Variants in SLC38A8 observed in about 807,000 individuals in gnomAD.
SLC38A8 encodes the protein solute carrier family 38 member 8.
A neutral mutation model predicts 46.0 loss-of-function variants in SLC38A8; 65 were observed. That is an observed-to-expected ratio of 1.41 (90% CI 1.16 to 1.74). SLC38A8 has a LOEUF of 1.74. Ranked by LOEUF, SLC38A8 falls within the 40% of genes most tolerant of loss-of-function variation. The pLI is 0.00. For missense variants in SLC38A8, 998 were observed against 567.9 expected, an observed-to-expected ratio of 1.76 and a Z score of -7.70; for synonymous variants, 447 against 243.7, an observed-to-expected ratio of 1.83 and a Z score of -7.77.
At chr16:84,010,067 ATTTT>A (rs397855804) in intron 10 of SLC38A8, among the ~76,000 whole-genome samples, 190 bp from the exon 11 acceptor site, 1 of 111,934 alleles carries the variant, frequency 8.9e-6, no homozygotes, top group Admixed American at 9.9e-5. Flanking sequence ...TACCCAGGCA[ATTTT>A]TTTTTTTTTT....
chr16:84,016,453 G>T, intron 9 of SLC38A8, 66 bp downstream of exon 9: 1 of 1,552,724 alleles, frequency 6.4e-7, no homozygotes, highest in East Asian at 2.3e-5. Context: ...TCCAACACTG[G>T]GAGTCCCCAC....
At chr16:84,030,319 T>C (rs1329908557) in intron 5 of SLC38A8, among the ~76,000 whole-genome samples, 1 of 152,096 alleles carries the variant, frequency 6.6e-6, no homozygotes, top group Non-Finnish European at 1.5e-5. Context: ...GACACTCACA[T>C]ATCCTAACTC....
intron 5 of SLC38A8, among the ~76,000 whole-genome samples, chr16:84,031,077 G>A (rs2085232592): frequency 6.6e-6 from 1 of 152,106 alleles, no homozygotes; most frequent in Non-Finnish European, 1.5e-5. Context: ...GTCTTGCTCT[G>A]TTGCCCAGGC....
At chr16:84,019,391 G>A (rs902974020) in intron 7 of SLC38A8, among the ~76,000 whole-genome samples, 18 of 152,176 alleles carry the variant, frequency 1.2e-4, no homozygotes, top group Admixed American at 3.3e-4. Flanking sequence ...TTTTTAACCC[G>A]AAATAATTAA....
chr16:84,030,180 T>A (rs1359433284), intron 5 of SLC38A8, among the ~76,000 whole-genome samples: 2 of 152,002 alleles, frequency 1.3e-5, no homozygotes, highest in Non-Finnish European at 2.9e-5. Flanking sequence ...CAGTGATCCG[T>A]CTATCAGCCA....
intron 10 of SLC38A8, among the ~76,000 whole-genome samples, chr16:84,012,365 G>A (rs867637276): frequency 9.8e-5 from 15 of 152,296 alleles, no homozygotes; most frequent in South Asian, 4.1e-4. Flanking sequence ...AGGTCCGCTC[G>A]GGGATAAATA....
At position 84,009,891 on chromosome 16, in the gene SLC38A8, A is replaced by C. The variant is rs749818547; in HGVS notation, c.1215-14T>G. The stretch of plus-strand genomic sequence containing the variant: ...TCCAGGCAGCACCTGCCAAGTGAAT[A>C]AACCCATGTCAGAGCTTTTCTGGAT... On this transcript the variant is annotated splice_polypyrimidine_tract_variant and intron_variant, in intron 10 of 10. Transcript: ENST00000299709. The C allele has an allele frequency of 3.7e-6, 6 of 1,610,966 alleles. No homozygotes were observed. The highest frequency in any genetic ancestry group is 5.1e-6 in the Non-Finnish European group (6 of 1,178,756).
chr16:84,026,827 G>A (rs779441353), intron 6 of SLC38A8, among the ~76,000 whole-genome samples: 20 of 152,196 alleles, frequency 1.3e-4, no homozygotes, highest in Non-Finnish European at 2.2e-4. Context: ...CTAGGAGGTG[G>A]CCATCGTAGG....
intron 7 of SLC38A8, among the ~76,000 whole-genome samples, chr16:84,021,099 G>C (rs1018089170): frequency 6.6e-6 from 1 of 152,092 alleles, no homozygotes; most frequent in African/African-American, 2.4e-5. Context: ...TCTCATTCTT[G>C]TTGCCCAGGC....
chr16:84,023,909 C>T (rs1351905816), intron 6 of SLC38A8, among the ~76,000 whole-genome samples: 11 of 152,108 alleles, frequency 7.2e-5, no homozygotes, highest in Non-Finnish European at 1.0e-4. Flanking sequence ...AAAAACAAGC[C>T]GGGCAGCAGA....
At chr16:84,025,310 T>C (rs2085148957) in intron 6 of SLC38A8, among the ~76,000 whole-genome samples, 1 of 152,074 alleles carries the variant, frequency 6.6e-6, no homozygotes, top group Non-Finnish European at 1.5e-5. Context: ...CGCAGGAAGC[T>C]CAGATCAGCT....
At chr16:84,022,635 C>A in intron 7 of SLC38A8, 140 bp downstream of exon 7, 1 of 661,192 alleles carries the variant, frequency 1.5e-6, no homozygotes. Context: ...TTCCTATGCA[C>A]ACTAAGGATT....
rs570437456 is a variant in SLC38A8 at position 84,015,509 on chromosome 16, C to G, written c.1162+1010G>C. Among the ~76,000 whole-genome samples the G allele has an allele frequency of 1.6e-3, 243 of 152,180 alleles. 1 individual carries two copies. Among genetic ancestry groups the G allele is most frequent in the African/African-American group, 5.6e-3 (233 of 41,514 alleles). On this transcript the variant is annotated intron_variant, in intron 9 of 10. Transcript: ENST00000299709. ...AAACAAAATCTTTTAGCAGGAGGCA[C>G]CAGCGGTAGCATGGACAGAGCTGTA...
intron 7 of SLC38A8, among the ~76,000 whole-genome samples, chr16:84,020,479 C>A (rs1308817386): frequency 1.3e-5 from 2 of 152,192 alleles, no homozygotes; most frequent in Non-Finnish European, 2.9e-5. Flanking sequence ...TGGGTGGAGG[C>A]TGCCAAGCTT....
At chr16:84,032,988 G>A (rs1400573146) in intron 4 of SLC38A8, among the ~76,000 whole-genome samples, 1 of 145,720 alleles carries the variant, frequency 6.9e-6, no homozygotes, top group Non-Finnish European at 1.5e-5. Flanking sequence ...GTGGGTAGGT[G>A]GGTGTGCATG....
intron 4 of SLC38A8, 27 bp downstream of exon 4, chr16:84,033,301 C>A (rs1358053993): frequency 5.6e-6 from 9 of 1,613,726 alleles, no homozygotes; most frequent in Non-Finnish European, 7.6e-6. Context: ...GGTGGGGGCC[C>A]CCACCAGGCA....
chr16:84,024,968 A>G (rs1199310889), intron 6 of SLC38A8, among the ~76,000 whole-genome samples: 3 of 152,144 alleles, frequency 2.0e-5, no homozygotes, highest in Non-Finnish European at 4.4e-5. Flanking sequence ...GGCGTGAGCC[A>G]CCAAGCCCAG....
At chr16:84,012,397 C>T (rs1437045325) in intron 10 of SLC38A8, among the ~76,000 whole-genome samples, 1 of 152,176 alleles carries the variant, frequency 6.6e-6, no homozygotes, top group African/African-American at 2.4e-5. Context: ...AAGGAAAGAT[C>T]CAAATTATCT....
At chr16:84,019,717 G>C (rs1324413543) in intron 7 of SLC38A8, among the ~76,000 whole-genome samples, 2 of 152,218 alleles carry the variant, frequency 1.3e-5, no homozygotes, top group Admixed American at 1.3e-4. Flanking sequence ...TGTGGTCTGT[G>C]AGCCTGTGAA....
Sources: gnomAD v4.1 joint callset for allele counts (sites outside exome capture counted in the v4.1 genomes callset) on GRCh38, gnomAD v4.1.1 for gene constraint, MANE v1.5 for transcripts, NCBI Gene and HGNC (gene_info 2026-07-23, HGNC 2026-07-21) for gene names.